PTPRK: variants seen among roughly 807,000 people sequenced by gnomAD.
PTPRK encodes the protein protein tyrosine phosphatase receptor type K.
PTPRK carries 75 observed loss-of-function variants against 178.0 expected under a neutral mutation model. That is an observed-to-expected ratio of 0.42 (90% CI 0.35 to 0.51). The LOEUF (loss-of-function observed/expected upper bound fraction) is 0.51. PTPRK is among the 20% of genes least tolerant of loss of function. The probability of loss-of-function intolerance (pLI) is 0.02; values close to 1 mark genes in which losing one functional copy is unlikely to be tolerated. For synonymous variants in PTPRK, 637 were observed against 620.6 expected, an observed-to-expected ratio of 1.03 and a Z score of -0.39; for missense variants, 1,441 against 1,797.8, an observed-to-expected ratio of 0.80 and a Z score of 3.59.
At chr6:128,033,781 G>T (rs189731778) in intron 13 of PTPRK, among the ~76,000 whole-genome samples, 2 of 152,026 alleles carry the variant, frequency 1.3e-5, no homozygotes, top group African/African-American at 2.4e-5. Flanking sequence ...AGAGACTGAG[G>T]GGGGAGTATT....
chr6:128,055,588 T>C (rs1420240068), intron 13 of PTPRK, among the ~76,000 whole-genome samples: 2 of 152,052 alleles, frequency 1.3e-5, no homozygotes, highest in African/African-American at 4.8e-5. Flanking sequence ...CCATTGCTTA[T>C]TGTTTTTTGT....
chr6:128,050,160 C>A (rs1198030198), intron 13 of PTPRK, among the ~76,000 whole-genome samples: 1 of 151,772 alleles, frequency 6.6e-6, no homozygotes. Context: ...ATAGATAGAG[C>A]AAATCAATAT....
At chr6:128,337,692 A>G (rs1424724611) in intron 2 of PTPRK, among the ~76,000 whole-genome samples, 2 of 152,188 alleles carry the variant, frequency 1.3e-5, no homozygotes, top group Non-Finnish European at 2.9e-5. Flanking sequence ...TGGATGCAGC[A>G]TCACACGAGT....
chr6:128,266,559 CCTT>C (rs1210361694), intron 3 of PTPRK, among the ~76,000 whole-genome samples: 1 of 152,088 alleles, frequency 6.6e-6, no homozygotes, highest in Non-Finnish European at 1.5e-5. Flanking sequence ...GACCACAATT[CCTT>C]CTTCTATGAA....
intron 1 of PTPRK, among the ~76,000 whole-genome samples, chr6:128,500,038 A>G (rs917752382): frequency 6.6e-6 from 1 of 152,234 alleles, no homozygotes; most frequent in Non-Finnish European, 1.5e-5. Context: ...GGTGGACTCA[A>G]AACACTCAAA....
intron 2 of PTPRK, among the ~76,000 whole-genome samples, chr6:128,333,891 T>C (rs1016626891): frequency 6.6e-6 from 1 of 152,208 alleles, no homozygotes; most frequent in Non-Finnish European, 1.5e-5. Flanking sequence ...TTTTAGCTTT[T>C]GATTTAAAGT....
intron 3 of PTPRK, among the ~76,000 whole-genome samples, chr6:128,296,191 C>A (rs193169512): frequency 6.6e-6 from 1 of 152,080 alleles, no homozygotes; most frequent in Non-Finnish European, 1.5e-5. Context: ...CCTTGCAACC[C>A]ATGGACAGGC....
At chr6:128,093,502 G>A (rs1426758748) in intron 7 of PTPRK, among the ~76,000 whole-genome samples, 3 of 135,886 alleles carry the variant, frequency 2.2e-5, no homozygotes, top group Non-Finnish European at 1.5e-5. Context: ...GGCTGGGGCA[G>A]AAGAATCACT....
At chr6:128,235,443 T>G (rs1813075112) in intron 5 of PTPRK, 1 of 286,020 alleles carries the variant, frequency 3.5e-6, no homozygotes, top group African/African-American at 2.3e-5. Flanking sequence ...ATAATTTCAC[T>G]TTTGATCTTA....
chr6:128,299,431 AGAACAAAG>A (rs1359000681), intron 3 of PTPRK, among the ~76,000 whole-genome samples: 1 of 152,120 alleles, frequency 6.6e-6, no homozygotes, highest in Non-Finnish European at 1.5e-5. Context: ...CTAAGCCAAA[AGAACAAAG>A]CTGGAGGCAT....
rs185177476 is a variant in PTPRK, at chr6:128,299,740, T to C, written c.495+22299A>G. On this transcript the variant is annotated intron_variant, in intron 3 of 29. Transcript: ENST00000368226. ...ATTAATTCAAGATGGATTAAAGACT[T>C]AAACGTTAGACCTAAAACCATAAAA... Among the ~76,000 whole-genome samples, 1,063 of 152,212 alleles carry C rather than the reference T, an allele frequency of 7.0e-3. 9 individuals carry two copies. Among genetic ancestry groups the C allele is most frequent in the African/African-American group, 0.025 (1,027 of 41,492 alleles).
At chr6:128,351,856 T>C (rs1218758515) in intron 2 of PTPRK, among the ~76,000 whole-genome samples, 1 of 152,148 alleles carries the variant, frequency 6.6e-6, no homozygotes, top group Non-Finnish European at 1.5e-5. Flanking sequence ...GGAATCAGAT[T>C]TCTGGGGTCC....
At chr6:128,416,781 T>C (rs951222071) in intron 1 of PTPRK, among the ~76,000 whole-genome samples, 2 of 151,318 alleles carry the variant, frequency 1.3e-5, no homozygotes, top group African/African-American at 2.4e-5. Context: ...ACATTAACAA[T>C]AGTATACAGG....
chr6:128,102,438 G>A (rs1304736792), intron 7 of PTPRK, among the ~76,000 whole-genome samples: 2 of 152,144 alleles, frequency 1.3e-5, no homozygotes, highest in South Asian at 2.1e-4. Flanking sequence ...AAAATAGGGC[G>A]TGTCCCCACA....
chr6:128,103,801 G>C (rs1382808316), intron 7 of PTPRK, among the ~76,000 whole-genome samples: 1 of 152,052 alleles, frequency 6.6e-6, no homozygotes, highest in Non-Finnish European at 1.5e-5. Context: ...CATATCAAAT[G>C]AACCCTGCTT....
At chr6:128,187,840 G>GAAA (rs1465777059) in intron 6 of PTPRK, among the ~76,000 whole-genome samples, 2 of 152,168 alleles carry the variant, frequency 1.3e-5, no homozygotes, top group African/African-American at 4.8e-5. Flanking sequence ...TAGCATTAAT[G>GAAA]AGGCTAATAT....
At chr6:128,298,860 T>G (rs1230050138) in intron 3 of PTPRK, among the ~76,000 whole-genome samples, 1 of 152,126 alleles carries the variant, frequency 6.6e-6, no homozygotes, top group Admixed American at 6.5e-5. Flanking sequence ...GTGTTGGAAG[T>G]TCTGGTCAGG....
At chr6:128,061,480 A>G (rs1780804463) in intron 13 of PTPRK, among the ~76,000 whole-genome samples, 2 of 150,896 alleles carry the variant, frequency 1.3e-5, no homozygotes, top group African/African-American at 4.9e-5. Context: ...TACAAAGGAT[A>G]TTAGGAAAGC....
At chr6:128,506,497 A>G (rs1333508537) in intron 1 of PTPRK, among the ~76,000 whole-genome samples, 1 of 151,886 alleles carries the variant, frequency 6.6e-6, no homozygotes, top group Non-Finnish European at 1.5e-5. Context: ...TCTCTACAAA[A>G]AAATTTTTAA....
Sources: allele counts gnomAD v4.1 joint callset (sites outside exome capture counted in the v4.1 genomes callset), GRCh38; gene constraint gnomAD v4.1.1; transcripts MANE v1.5; gene names NCBI Gene and HGNC (gene_info 2026-07-23, HGNC 2026-07-21).